Variants in LYRM4 observed in about 807,000 individuals in gnomAD.
The protein encoded by LYRM4 is LYR motif-containing protein 4.
LYRM4 carries 9 observed loss-of-function variants against 11.7 expected under a neutral mutation model. The ratio of observed to expected loss-of-function variants is 0.77; its 90% CI spans 0.46 to 1.34. The LOEUF is 1.34. Among genes scored for constraint, LYRM4 ranks in the 40% most tolerant of loss-of-function variants. The pLI, the probability that LYRM4 is intolerant of heterozygous loss-of-function variation, is 0.00. For missense variants in LYRM4, 133 were observed against 112.5 expected, an observed-to-expected ratio of 1.18 and a Z score of -0.82; for synonymous variants, 42 against 40.4, an observed-to-expected ratio of 1.04 and a Z score of -0.15.
At chr6:5,163,948 T>C (rs1367066717) in intron 2 of LYRM4, among the ~76,000 whole-genome samples, 3 of 152,186 alleles carry the variant, frequency 2.0e-5, no homozygotes, top group Non-Finnish European at 4.4e-5. Context: ...CATTAACAAC[T>C]TTATAACATT....
chr6:5,153,729 G>C (rs1383493506), intron 2 of LYRM4, among the ~76,000 whole-genome samples: 1 of 152,220 alleles, frequency 6.6e-6, no homozygotes, highest in Non-Finnish European at 1.5e-5. Context: ...GGCAACCACT[G>C]TTGTACGGTG....
chr6:5,172,623 G>C (rs987885403), intron 2 of LYRM4, among the ~76,000 whole-genome samples: 2 of 152,112 alleles, frequency 1.3e-5, no homozygotes, highest in African/African-American at 4.8e-5. Flanking sequence ...ACTGCACCTG[G>C]TCCAAAGGGC....
chr6:5,034,824 G>A, the LYRM4 span: 1 of 129,128 alleles, frequency 7.7e-6, no homozygotes, highest in Admixed American at 9.6e-5. Context: ...GAAGTTTACA[G>A]TCAGGAACAT....
the LYRM4 span, chr6:5,066,469 G>T: frequency 1.3e-6 from 1 of 761,434 alleles, no homozygotes; most frequent in Non-Finnish European, 2.5e-6. Flanking sequence ...TTCTGAAAGA[G>T]CCCTTGAGAA....
chr6:5,095,219 G>C, the LYRM4 span, among the ~76,000 whole-genome samples: 2 of 152,114 alleles, frequency 1.3e-5, no homozygotes, highest in African/African-American at 2.4e-5. Context: ...TAGAGCCCCT[G>C]GGTGCTGCTA....
At chr6:5,170,569 C>T (rs7349839) in intron 2 of LYRM4, among the ~76,000 whole-genome samples, 9,537 of 152,166 alleles carry the variant, frequency 0.063, 366 homozygotes, top group Non-Finnish European at 0.081. Context: ...GGCGCGATCT[C>T]GGCTCACTGT....
chr6:5,231,203 C>CA (rs901018734), intron 1 of LYRM4, among the ~76,000 whole-genome samples: 13 of 151,476 alleles, frequency 8.6e-5, no homozygotes, highest in African/African-American at 3.1e-4. Flanking sequence ...GAGACTGTCT[C>CA]AAAAAAATAA....
At chr6:5,047,249 A>G in the LYRM4 span, among the ~76,000 whole-genome samples, 2 of 152,224 alleles carry the variant, frequency 1.3e-5, no homozygotes, top group Non-Finnish European at 2.9e-5. Flanking sequence ...CATATTTCTG[A>G]GTATACTTTA....
chr6:5,144,092 G>C, intron 2 of LYRM4: 2 of 1,515,156 alleles, frequency 1.3e-6, no homozygotes, highest in South Asian at 1.2e-5. Flanking sequence ...GCTTAGAGAG[G>C]TGAGAGCGAT....
intron 1 of LYRM4, among the ~76,000 whole-genome samples, chr6:5,221,318 CTTCT>C (rs1464094100): frequency 6.6e-6 from 1 of 152,242 alleles, no homozygotes; most frequent in Non-Finnish European, 1.5e-5. Flanking sequence ...CCAGACCTTC[CTTCT>C]GAGGTCCAAA....
At chr6:5,035,297 C>G in the LYRM4 span, among the ~76,000 whole-genome samples, 1 of 152,080 alleles carries the variant, frequency 6.6e-6, no homozygotes, top group Middle Eastern at 3.4e-3. Flanking sequence ...AGATGCTTTT[C>G]CTGAGGTGCC....
At chr6:5,253,590 A>T (rs975744228) in intron 1 of LYRM4, among the ~76,000 whole-genome samples, 1 of 152,190 alleles carries the variant, frequency 6.6e-6, no homozygotes, top group Non-Finnish European at 1.5e-5. Context: ...AACTGCTAAC[A>T]AAGGTACAGT....
At chr6:5,076,130 G>A in the LYRM4 span, among the ~76,000 whole-genome samples, 31 of 151,982 alleles carry the variant, frequency 2.0e-4, no homozygotes, top group Non-Finnish European at 4.0e-4. Flanking sequence ...TTTTTTTGTA[G>A]AGACAGGGTT....
At chr6:5,083,352 T>C in the LYRM4 span, among the ~76,000 whole-genome samples, 1 of 152,240 alleles carries the variant, frequency 6.6e-6, no homozygotes, top group Admixed American at 6.5e-5. Flanking sequence ...TCAGAGTTGC[T>C]GCAGGAAGAC....
intron 2 of LYRM4, among the ~76,000 whole-genome samples, chr6:5,116,863 A>G (rs1026402049): frequency 6.6e-6 from 1 of 152,192 alleles, no homozygotes; most frequent in Non-Finnish European, 1.5e-5. Flanking sequence ...ATCAGAAAAT[A>G]CAATTGGGCA....
chr6:5,086,591 C>CG, the LYRM4 span: 6 of 1,459,156 alleles, frequency 4.1e-6, no homozygotes, highest in African/African-American at 8.5e-5. Context: ...AGCCGTGGGG[C>CG]GGGGTTGATT....
intron 2 of LYRM4, among the ~76,000 whole-genome samples, chr6:5,111,207 T>G (rs1328194663): frequency 6.7e-6 from 1 of 150,266 alleles, no homozygotes. Context: ...AGAATACCAA[T>G]GATCCTTAAA....
At chr6:5,118,202 C>T (rs1380815600) in intron 2 of LYRM4, among the ~76,000 whole-genome samples, 2 of 151,284 alleles carry the variant, frequency 1.3e-5, no homozygotes, top group Non-Finnish European at 2.9e-5. Context: ...TCCACCTCCT[C>T]ACCTCCTGTG....
chr6:5,197,678 A>G (rs1347525661), intron 2 of LYRM4, among the ~76,000 whole-genome samples: 1 of 152,128 alleles, frequency 6.6e-6, no homozygotes, highest in African/African-American at 2.4e-5. Context: ...TGCCTCAAAA[A>G]AAATAAATAA....
Sources: gnomAD v4.1 joint callset for allele counts (sites outside exome capture counted in the v4.1 genomes callset) on GRCh38, gnomAD v4.1.1 for gene constraint, MANE v1.5 for transcripts, NCBI Gene and HGNC (gene_info 2026-07-23, HGNC 2026-07-21) for gene names.